Variants in ASTN1 observed in about 807,000 individuals in gnomAD.
ASTN1 encodes the protein astrotactin-1.
A neutral mutation model predicts 140.7 loss-of-function variants in ASTN1; 41 were observed. The observed-to-expected ratio is 0.29, with a 90% CI of 0.23 to 0.38. The LOEUF (loss-of-function observed/expected upper bound fraction) is 0.38, where lower values mean the gene tolerates loss of function less well. ASTN1 is among the 10% of genes least tolerant of loss of function. The probability of loss-of-function intolerance (pLI) is 1.00; values close to 1 mark genes in which losing one functional copy is unlikely to be tolerated. For missense variants in ASTN1, 1,479 were observed against 1,678.8 expected (o/e 0.88, Z 2.08); for synonymous variants, 640 against 652.2 (o/e 0.98, Z 0.29).
chr1:177,096,073 T>C (rs1680011553), intron 1 of ASTN1, among the ~76,000 whole-genome samples: 1 of 152,220 alleles, frequency 6.6e-6, no homozygotes, highest in Non-Finnish European at 1.5e-5. Context: ...GTCACTAGAT[T>C]CTTCTTCCCT....
chr1:176,904,337 A>G (rs1317527443), intron 16 of ASTN1, among the ~76,000 whole-genome samples: 1 of 152,132 alleles, frequency 6.6e-6, no homozygotes. Flanking sequence ...GCTGCCGAGC[A>G]GCAGCTGTGT....
chr1:176,859,214 G>A (rs975067866), downstream of ASTN1, among the ~76,000 whole-genome samples: 4 of 152,028 alleles, frequency 2.6e-5, no homozygotes, highest in African/African-American at 9.7e-5. Flanking sequence ...CCCAGCTCTG[G>A]AACAATTCTC....
chr1:176,947,495 T>C lies in ASTN1; in HGVS notation c.2055-1375A>G, dbSNP rs151313579. 2.2e-3 allele frequency among the ~76,000 whole-genome samples: 340 copies of C among 152,314 alleles called. 4 individuals carry two copies. The highest frequency in any genetic ancestry group is 0.014 in the Middle Eastern group (4 of 294). ...GGCACGCTATATATAGTACCTTAGATAGTGCTAAACACACGTGTGTCTGAT... is the reference window on the plus strand; with the variant it reads ...GGCACGCTATATATAGTACCTTAGACAGTGCTAAACACACGTGTGTCTGAT... On this transcript the variant is annotated intron_variant, in intron 12 of 22. Coordinates refer to ENST00000361833, the MANE Select transcript of ASTN1 (RefSeq NM_004319.3).
intron 16 of ASTN1, among the ~76,000 whole-genome samples, chr1:176,898,959 G>T (rs904711059): frequency 3.9e-5 from 6 of 152,114 alleles, no homozygotes; most frequent in Non-Finnish European, 8.8e-5. Flanking sequence ...ATTGACAAAG[G>T]TGCCTTTTGA....
intron 1 of ASTN1, among the ~76,000 whole-genome samples, chr1:177,138,849 G>C (rs973173501): frequency 2.2e-4 from 34 of 152,178 alleles, no homozygotes; most frequent in Non-Finnish European, 5.0e-4. Context: ...ATGATTTCCT[G>C]CTTTCTTGTG....
chr1:177,057,898 G>T (rs571318303), intron 2 of ASTN1, among the ~76,000 whole-genome samples: 2 of 152,202 alleles, frequency 1.3e-5, no homozygotes, highest in Admixed American at 6.5e-5. Flanking sequence ...TCCTCCAAAG[G>T]GTATGGTATA....
chr1:176,919,722 T>C (rs1004536020), intron 16 of ASTN1, among the ~76,000 whole-genome samples: 2 of 152,178 alleles, frequency 1.3e-5, no homozygotes, highest in Non-Finnish European at 2.9e-5. Context: ...TAGAACCAAT[T>C]ACCACAGTAA....
At chr1:177,141,237 A>AC (rs923838340) in intron 1 of ASTN1, among the ~76,000 whole-genome samples, 134 of 152,232 alleles carry the variant, frequency 8.8e-4, no homozygotes, top group African/African-American at 3.2e-3. Flanking sequence ...AAACAAACAA[A>AC]AAAAACAAAG....
intron 1 of ASTN1, among the ~76,000 whole-genome samples, chr1:177,078,218 C>T (rs1679010449): frequency 6.6e-6 from 1 of 152,166 alleles, no homozygotes; most frequent in Non-Finnish European, 1.5e-5. Flanking sequence ...AAGCCCTACC[C>T]CAGAGCCCCA....
chr1:177,098,352 C>A (rs1007226370), intron 1 of ASTN1, among the ~76,000 whole-genome samples: 13 of 152,100 alleles, frequency 8.5e-5, no homozygotes, highest in African/African-American at 2.7e-4. Context: ...AGGAACAGAT[C>A]ATCATAGCAG....
intron 8 of ASTN1, among the ~76,000 whole-genome samples, chr1:176,985,483 TGGAGCC>T (rs1309070535): frequency 6.6e-6 from 1 of 152,136 alleles, no homozygotes; most frequent in Non-Finnish European, 1.5e-5. Context: ...TTAAAAAAAA[TGGAGCC>T]AATCAAACAA....
chr1:177,020,402 T>C (rs1257254357), intron 7 of ASTN1, among the ~76,000 whole-genome samples: 1 of 152,238 alleles, frequency 6.6e-6, no homozygotes, highest in Non-Finnish European at 1.5e-5. Flanking sequence ...TTCCAGCTTC[T>C]AGAGGCTGCT....
At chr1:177,011,775 A>G (rs1450798677) in intron 8 of ASTN1, among the ~76,000 whole-genome samples, 1 of 152,094 alleles carries the variant, frequency 6.6e-6, no homozygotes, top group Non-Finnish European at 1.5e-5. Flanking sequence ...AGGACCAGGA[A>G]ACTAGAAGGA....
intron 8 of ASTN1, among the ~76,000 whole-genome samples, chr1:176,985,845 T>TACACACACACACACACACACACAC (rs60769752): frequency 7.7e-6 from 1 of 129,668 alleles, no homozygotes; most frequent in Non-Finnish European, 1.6e-5. Flanking sequence ...TCTCTCTCTC[T>TACACACACACACACACACACACAC]ACACACACAC....
intron 1 of ASTN1, among the ~76,000 whole-genome samples, chr1:177,089,327 T>C (rs1679628947): frequency 6.6e-6 from 1 of 152,192 alleles, no homozygotes; most frequent in African/African-American, 2.4e-5. Flanking sequence ...ATTTGAACTT[T>C]CTAATAACAA....
intron 16 of ASTN1, among the ~76,000 whole-genome samples, chr1:176,906,762 G>C (rs1670020040): frequency 6.6e-6 from 1 of 151,524 alleles, no homozygotes; most frequent in South Asian, 2.1e-4. Flanking sequence ...GCTGAGGCAG[G>C]AGAGTCACTT....
At chr1:176,972,815 G>A (rs540452424) in intron 8 of ASTN1, among the ~76,000 whole-genome samples, 1 of 152,282 alleles carries the variant, frequency 6.6e-6, no homozygotes, top group African/African-American at 2.4e-5. Context: ...AATTAGAAGA[G>A]TAGTTCGTGT....
intron 17 of ASTN1, among the ~76,000 whole-genome samples, chr1:176,892,931 T>A (rs1388704728): frequency 6.6e-6 from 1 of 152,134 alleles, no homozygotes; most frequent in African/African-American, 2.4e-5. Flanking sequence ...CTTGTCTTTG[T>A]GTTTAGAAAT....
At chr1:176,984,466 CT>C (rs1673791076) in intron 8 of ASTN1, among the ~76,000 whole-genome samples, 1 of 152,090 alleles carries the variant, frequency 6.6e-6, no homozygotes, top group Non-Finnish European at 1.5e-5. Context: ...AGGCTGGACC[CT>C]TTTGCTTGTG....
Sources: gnomAD v4.1 joint callset for allele counts (sites outside exome capture counted in the v4.1 genomes callset) on GRCh38, gnomAD v4.1.1 for gene constraint, MANE v1.5 for transcripts, NCBI Gene and HGNC (gene_info 2026-07-23, HGNC 2026-07-21) for gene names.